Variants in C12orf56 observed in about 807,000 individuals in gnomAD.
C12orf56 encodes the protein chromosome 12 open reading frame 56.
Under a neutral mutation model 69.9 loss-of-function variants are expected in C12orf56, and 71 were observed. The observed-to-expected ratio is 1.02, with a 90% CI of 0.84 to 1.24. The LOEUF (loss-of-function observed/expected upper bound fraction) is 1.24, where lower values mean the gene tolerates loss of function less well. C12orf56 is among the 50% of genes most tolerant of loss of function. The pLI is 0.00. For missense variants in C12orf56, 732 were observed against 738.5 expected (o/e 0.99, Z 0.10); for synonymous variants, 276 against 274.1 (o/e 1.01, Z -0.07).
chr12:64,382,870 CAAAAAAA>C (rs57099747), intron 1 of C12orf56, among the ~76,000 whole-genome samples: 2 of 132,146 alleles, frequency 1.5e-5, no homozygotes, highest in Non-Finnish European at 3.2e-5. Context: ...GACTCCGTTT[CAAAAAAA>C]AAAAAAAAAA....
chr12:64,285,733 G>A (rs7971774), intron 7 of C12orf56, among the ~76,000 whole-genome samples: 144,139 of 152,252 alleles, frequency 0.95, 68,705 homozygotes, highest in East Asian at 1. Flanking sequence ...AATTGCAGTG[G>A]GCAAAGATCG....
At chr12:64,380,001 A>T (rs1197974128) in intron 1 of C12orf56, among the ~76,000 whole-genome samples, 1 of 143,738 alleles carries the variant, frequency 7.0e-6, no homozygotes, top group Admixed American at 7.2e-5. Context: ...GCTACTCCGG[A>T]GGCTGAGGCA....
intron 6 of C12orf56, among the ~76,000 whole-genome samples, chr12:64,294,670 G>T (rs2038341025): frequency 6.6e-6 from 1 of 152,090 alleles, no homozygotes; most frequent in East Asian, 1.9e-4. Context: ...AGGGGCTGTG[G>T]GTTGCAGGGG....
At chr12:64,319,130 A>G in intron 3 of C12orf56, 150 bp from the exon 4 acceptor site, 1 of 672,140 alleles carries the variant, frequency 1.5e-6, no homozygotes, top group Non-Finnish European at 2.3e-6. Flanking sequence ...GCTGGTAATA[A>G]CCCATTGACT....
chr12:64,338,257 G>A (rs1337849765), intron 2 of C12orf56: 3 of 536,236 alleles, frequency 5.6e-6, no homozygotes, highest in Non-Finnish European at 7.3e-6. Flanking sequence ...GATCCAGCTG[G>A]CTTTCCAGGG....
chr12:64,285,925 A>T, intron 7 of C12orf56, 29 bp downstream of exon 7: 1 of 1,469,942 alleles, frequency 6.8e-7, no homozygotes, highest in Non-Finnish European at 9.2e-7. Context: ...AAAAAAAAAA[A>T]AATCGATGAT....
chr12:64,339,589 G>T (rs2039047626), intron 2 of C12orf56, among the ~76,000 whole-genome samples: 1 of 151,924 alleles, frequency 6.6e-6, no homozygotes. Context: ...TTCAGACAGG[G>T]TCTTTCTCTG....
intron 3 of C12orf56, among the ~76,000 whole-genome samples, chr12:64,329,491 T>C (rs901490710): frequency 2.9e-4 from 42 of 144,688 alleles, no homozygotes; most frequent in African/African-American, 1.0e-3. Context: ...TCTGTAGTAA[T>C]GGTTTATTTA....
chr12:64,308,815 C>A (rs2038551272), intron 5 of C12orf56, among the ~76,000 whole-genome samples: 1 of 147,944 alleles, frequency 6.8e-6, no homozygotes, highest in Non-Finnish European at 1.5e-5. Context: ...TACACTCCAC[C>A]TTGGGCAACA....
At chr12:64,366,135 T>C (rs1335308858) in intron 1 of C12orf56, among the ~76,000 whole-genome samples, 3 of 127,982 alleles carry the variant, frequency 2.3e-5, no homozygotes, top group African/African-American at 3.1e-5. Context: ...TAATATATAG[T>C]TTATATATTA....
intron 12 of C12orf56, chr12:64,267,633 C>A: frequency 4.6e-6 from 1 of 217,348 alleles, no homozygotes; most frequent in Non-Finnish European, 9.0e-6. Context: ...ACTACTAGGG[C>A]CAAGTCAAGA....
rs1201920059 is a variant in C12orf56, at chr12:64,265,811, C to T, written c.*1372G>A. 8 of 152,142 alleles carry T rather than the reference C, an allele frequency of 5.3e-5. No individual in the cohort carries two copies. Among genetic ancestry groups the T allele is most frequent in the Non-Finnish European group, 7.3e-5 (5 of 68,030 alleles). 9.4% of individuals were successfully genotyped at this position (152,142 alleles called of 1,614,324 possible). ...TTAGAAGTCCAAATTCAACACCTCA[C>T]GGTGATGCCAAAGTTAAGTATTTGT... On this transcript the variant is annotated 3_prime_UTR_variant, in exon 13 of 13. Coordinates refer to ENST00000543942, the MANE Select transcript of C12orf56 (RefSeq NM_001170633.2).
At chr12:64,327,103 G>A (rs558895862) in intron 3 of C12orf56, among the ~76,000 whole-genome samples, 174 of 152,216 alleles carry the variant, frequency 1.1e-3, no homozygotes, top group Non-Finnish European at 2.0e-3. Flanking sequence ...TAGGAACTCC[G>A]CTGAGTGTCC....
intron 7 of C12orf56, 132 bp downstream of exon 7, chr12:64,285,822 A>G: frequency 4.4e-6 from 2 of 453,050 alleles, no homozygotes; most frequent in Non-Finnish European, 7.6e-6. Flanking sequence ...AAATAAAAAT[A>G]AAATCCACAG....
At chr12:64,369,913 G>A (rs1336309488) in intron 1 of C12orf56, among the ~76,000 whole-genome samples, 1 of 151,276 alleles carries the variant, frequency 6.6e-6, no homozygotes, top group Non-Finnish European at 1.5e-5. Flanking sequence ...AACCCAGGAG[G>A]TGGAGGTTGC....
intron 6 of C12orf56, among the ~76,000 whole-genome samples, chr12:64,299,789 C>G (rs1378384453): frequency 6.6e-6 from 1 of 152,002 alleles, no homozygotes; most frequent in East Asian, 1.9e-4. Context: ...AAGCCTCACA[C>G]AGATTAGGCA....
At chr12:64,281,279 A>G (rs2038122673) in intron 8 of C12orf56, among the ~76,000 whole-genome samples, 3 of 151,834 alleles carry the variant, frequency 2.0e-5, no homozygotes, top group Admixed American at 2.0e-4. Flanking sequence ...TCTCAAAAAA[A>G]GAAAAAAGAG....
At chr12:64,370,678 A>G in intron 1 of C12orf56, among the ~76,000 whole-genome samples, 1 of 152,308 alleles carries the variant, frequency 6.6e-6, no homozygotes, top group East Asian at 1.9e-4. Flanking sequence ...TGCTAATTGC[A>G]CCAAGTTTAA....
At chr12:64,369,259 A>G (rs1341441824) in intron 1 of C12orf56, among the ~76,000 whole-genome samples, 2 of 151,938 alleles carry the variant, frequency 1.3e-5, no homozygotes, top group Non-Finnish European at 2.9e-5. Context: ...GTGCAGTGGC[A>G]CAATCTTGGC....
Sources: allele counts gnomAD v4.1 joint callset (sites outside exome capture counted in the v4.1 genomes callset), GRCh38; gene constraint gnomAD v4.1.1; transcripts MANE v1.5; gene names NCBI Gene and HGNC (gene_info 2026-07-23, HGNC 2026-07-21).